CFAP77: variants seen among roughly 807,000 people sequenced by gnomAD.
CFAP77 encodes the protein cilia and flagella associated protein 77.
Under a neutral mutation model 31.1 loss-of-function variants are expected in CFAP77, and 25 were observed. The observed-to-expected ratio is 0.80, with a 90% confidence interval of 0.59 to 1.12. The LOEUF (loss-of-function observed/expected upper bound fraction) is 1.12. CFAP77 is among the 50% of genes most tolerant of loss of function. The probability of loss-of-function intolerance (pLI) is 0.00; values close to 1 mark genes in which losing one functional copy is unlikely to be tolerated. For synonymous variants in CFAP77, 151 were observed against 159.9 expected (o/e 0.94, Z 0.42); for missense variants, 377 against 397.3 (o/e 0.95, Z 0.44).
At chr9:132,473,454 G>A (rs1210039086) in intron 1 of CFAP77, among the ~76,000 whole-genome samples, 3 of 152,206 alleles carry the variant, frequency 2.0e-5, no homozygotes, top group Admixed American at 1.3e-4. Flanking sequence ...TCGTCCTGAT[G>A]AGTAACAGAG....
intron 3 of CFAP77, chr9:132,513,424 C>T: frequency 6.8e-7 from 1 of 1,469,462 alleles, no homozygotes; most frequent in Admixed American, 2.4e-5. Context: ...CCCCTGTGCA[C>T]ACCTTCCTAG....
rs182149182 is a variant in CFAP77 at position 132,417,323 on chromosome 9, C to T, written c.195+6857C>T. On this transcript the variant is annotated intron_variant, in intron 1 of 5. Transcript: ENST00000393216. ...AGAAACGGGCTTTCACCATGTTGGC[C>T]AGGCTGGTTTCAAACCCCTGACCTC... 6.0e-4 allele frequency among the ~76,000 whole-genome samples: 91 copies of T among 152,250 alleles called. 1 individual carries two copies. The highest frequency in any genetic ancestry group is 1.0e-3 in the Non-Finnish European group (70 of 68,002).
intron 1 of CFAP77, among the ~76,000 whole-genome samples, chr9:132,474,314 C>G (rs543626933): frequency 1.3e-4 from 20 of 152,282 alleles, no homozygotes; most frequent in African/African-American, 4.8e-4. Flanking sequence ...CATACACTTA[C>G]GAACGCCTCG....
chr9:132,445,393 T>C (rs1426680865), intron 1 of CFAP77, among the ~76,000 whole-genome samples: 1 of 152,210 alleles, frequency 6.6e-6, no homozygotes, highest in East Asian at 1.9e-4. Flanking sequence ...TCTTCATCCA[T>C]GTTGTAGCTT....
At chr9:132,506,731 A>C (rs1031929793) in intron 3 of CFAP77, among the ~76,000 whole-genome samples, 1 of 152,204 alleles carries the variant, frequency 6.6e-6, no homozygotes, top group Admixed American at 6.5e-5. Context: ...CCTCAGGAGC[A>C]TCCTCATTAA....
intron 4 of CFAP77, 111 bp from the exon 5 acceptor site, chr9:132,542,835 G>T: frequency 1.3e-6 from 1 of 742,678 alleles, no homozygotes; most frequent in Non-Finnish European, 2.3e-6. Context: ...GAAAGTGACC[G>T]AGGATCTTGC....
intron 5 of CFAP77, among the ~76,000 whole-genome samples, chr9:132,570,492 A>C (rs1424564224): frequency 6.6e-6 from 1 of 152,222 alleles, no homozygotes; most frequent in Non-Finnish European, 1.5e-5. Flanking sequence ...GAGGCTGGAC[A>C]GCTCTGAGAA....
In CFAP77 at chr9:132,498,562, C is replaced by T; in HGVS notation, c.196-133C>T. 1.5e-6 allele frequency: 1 copy of T among 673,284 alleles called. No homozygotes were observed. The highest frequency in any genetic ancestry group is 2.7e-5 in the East Asian group (1 of 36,572). The allele number at this position is 673,284 out of a possible 1,614,324, so 41.7% of individuals were successfully genotyped here. A position where few individuals can be genotyped will look rare whatever the true frequency, so the allele number is the denominator to read the frequency against. On this transcript the variant is annotated intron_variant, in intron 1 of 5. Transcript: ENST00000393216. The surrounding 1 kb of genome is among the most constrained non-coding windows in gnomAD (Gnocchi z 4.2). The stretch of plus-strand genomic sequence containing the variant: ...CCCAGGGAGGGCTCTGCCACCCACT[C>T]CTGTGCCACCCTGAAGGCCACGGCA...
At chr9:132,483,218 C>T (rs567261834) in intron 1 of CFAP77, among the ~76,000 whole-genome samples, 1 of 152,188 alleles carries the variant, frequency 6.6e-6, no homozygotes, top group Admixed American at 6.5e-5. Flanking sequence ...TTGCAGTGAG[C>T]CAAGATCGCA....
intron 5 of CFAP77, among the ~76,000 whole-genome samples, chr9:132,549,853 C>CAAAG (rs1333017094): frequency 4.0e-5 from 6 of 151,478 alleles, no homozygotes; most frequent in Non-Finnish European, 7.4e-5. Context: ...AACAAACAAA[C>CAAAG]AAACAAAGCA....
chr9:132,485,316 C>T (rs144740950), intron 1 of CFAP77, among the ~76,000 whole-genome samples: 19 of 152,310 alleles, frequency 1.2e-4, no homozygotes, highest in Non-Finnish European at 2.1e-4. Flanking sequence ...GCTGGAGGCT[C>T]TCATGATACC....
At chr9:132,470,757 C>T (rs1475143102) in intron 1 of CFAP77, among the ~76,000 whole-genome samples, 1 of 152,188 alleles carries the variant, frequency 6.6e-6, no homozygotes, top group Non-Finnish European at 1.5e-5. Context: ...GCCTGTAATC[C>T]CAGCACTTTG....
At chr9:132,563,579 G>T (rs150438992) in intron 5 of CFAP77, among the ~76,000 whole-genome samples, 1 of 152,206 alleles carries the variant, frequency 6.6e-6, no homozygotes, top group African/African-American at 2.4e-5. Flanking sequence ...TGGTACTACC[G>T]TGAGGATTCC....
intron 1 of CFAP77, among the ~76,000 whole-genome samples, chr9:132,415,714 T>C (rs7026904): frequency 0.99 from 150,818 of 152,230 alleles, 74,732 homozygotes; most frequent in East Asian, 1. Flanking sequence ...ACTGTATAAT[T>C]CTGCCTGCTT....
chr9:132,513,404 C>A (rs1334150218), intron 3 of CFAP77: 8 of 1,507,982 alleles, frequency 5.3e-6, no homozygotes, highest in Non-Finnish European at 6.2e-6. Context: ...GTGTCAAACA[C>A]AATCTGAGGC....
Position 132,410,420 on chromosome 9 carries a change from TG to T in CFAP77, c.154del (p.Val52SerfsTer65), listed in dbSNP as rs1849969298. On this transcript the variant is annotated frameshift_variant, in exon 1 of 6. Transcript: ENST00000393216. LOFTEE classifies it high-confidence loss of function. ...CGTTCCGGCATGGAGAACGAGCGGC[TG>T]GGGGTCGTGCGGGACTCCATGTTTC... Reference protein sequence around the residue: ...DIRSGMENERLGVVRDSMFQN... With the variant: ...DIRSGMENERXGVVRDSMFQN... 2 of 1,599,834 alleles carry T rather than the reference TG, an allele frequency of 1.3e-6. No individual in the cohort carries two copies. Among genetic ancestry groups the T allele is most frequent in the Non-Finnish European group, 8.5e-7 (1 of 1,174,682 alleles).
chr9:132,454,364 A>G (rs1850878387), intron 1 of CFAP77, among the ~76,000 whole-genome samples: 1 of 152,212 alleles, frequency 6.6e-6, no homozygotes, highest in African/African-American at 2.4e-5. Flanking sequence ...AAAATATTAA[A>G]TAACCAGTGT....
At chr9:132,533,183 G>A (rs1307827591) in intron 3 of CFAP77, among the ~76,000 whole-genome samples, 2 of 152,206 alleles carry the variant, frequency 1.3e-5, no homozygotes, top group African/African-American at 2.4e-5. Context: ...TGACCCAGGT[G>A]TATAGTTTGA....
Position 132,517,365 on chromosome 9 carries a change from G to A in CFAP77, c.524+17765G>A, listed in dbSNP as rs1852166338. ...GTCTCCACTGGAAGAAGCATCAAGA[G>A]CCAAATAAGGACCCGTCTTGAGTGG... On this transcript the variant is annotated intron_variant, in intron 3 of 5. Transcript: ENST00000393216. The surrounding 1 kb of genome is among the most constrained non-coding windows in gnomAD (Gnocchi z 4.7). Among the ~76,000 whole-genome samples, 1 of 152,244 alleles carries A rather than the reference G, an allele frequency of 6.6e-6. No individual in the cohort carries two copies. The highest frequency in any genetic ancestry group is 2.4e-5 in the African/African-American group (1 of 41,548).
Sources: allele counts gnomAD v4.1 joint callset (sites outside exome capture counted in the v4.1 genomes callset), GRCh38; gene constraint gnomAD v4.1.1; non-coding constraint Gnocchi (gnomAD v3.1); transcripts MANE v1.5; gene names NCBI Gene and HGNC (gene_info 2026-07-23, HGNC 2026-07-21).